Variants in AP2B1 observed in about 807,000 individuals in gnomAD.
AP2B1 encodes the protein adaptor related protein complex 2 subunit beta 1, also known as AP-2 complex subunit beta.
Under a neutral mutation model 102.0 loss-of-function variants are expected in AP2B1, and 23 were observed. That is an observed-to-expected ratio of 0.23 (90% CI 0.16 to 0.32). The LOEUF is 0.32. AP2B1 is among the 10% of genes least tolerant of loss of function. The pLI, the probability that AP2B1 is intolerant of heterozygous loss-of-function variation, is 1.00. For missense variants in AP2B1, 541 were observed against 1,157.4 expected (o/e 0.47, Z 7.73); for synonymous variants, 381 against 421.2 (o/e 0.90, Z 1.17).
At chr17:35,599,965 A>G (rs78181892) in intron 3 of AP2B1, among the ~76,000 whole-genome samples, 4,096 of 152,336 alleles carry the variant, frequency 0.027, 78 homozygotes, top group Middle Eastern at 0.054. Context: ...TTTTAATACA[A>G]TCAAGTACAA....
intron 9 of AP2B1, among the ~76,000 whole-genome samples, chr17:35,634,116 C>T (rs1315305454): frequency 6.6e-6 from 1 of 152,240 alleles, no homozygotes; most frequent in African/African-American, 2.4e-5. Flanking sequence ...CACTGCATTC[C>T]AGCCTGGGCA....
intron 14 of AP2B1, among the ~76,000 whole-genome samples, chr17:35,669,417 C>T (rs943126816): frequency 6.6e-6 from 1 of 152,176 alleles, no homozygotes; most frequent in African/African-American, 2.4e-5. Flanking sequence ...GCTGGGATTA[C>T]AGGCATGAGC....
At chr17:35,624,228 G>T (rs961729076) in intron 5 of AP2B1, among the ~76,000 whole-genome samples, 169 bp from the exon 6 acceptor site, 2 of 152,122 alleles carry the variant, frequency 1.3e-5, no homozygotes, top group Non-Finnish European at 1.5e-5. Flanking sequence ...ATCATTGGTG[G>T]TTTAATATAT....
At chr17:35,680,700 G>GTTTTTTTTT (rs1176447688) in intron 17 of AP2B1, among the ~76,000 whole-genome samples, 1 of 128,922 alleles carries the variant, frequency 7.8e-6, no homozygotes, top group Non-Finnish European at 1.6e-5. Context: ...TTTTTTTTTT[G>GTTTTTTTTT]TTTTTTTTTT....
intron 1 of AP2B1, among the ~76,000 whole-genome samples, chr17:35,589,783 A>G (rs762551667): frequency 2.0e-5 from 3 of 152,100 alleles, no homozygotes; most frequent in Non-Finnish European, 2.9e-5. Context: ...TTCAAATTCC[A>G]TCATGGCTTT....
intron 12 of AP2B1, among the ~76,000 whole-genome samples, chr17:35,642,298 T>C (rs1407057786): frequency 1.1e-5 from 1 of 92,256 alleles, no homozygotes; most frequent in Non-Finnish European, 2.5e-5. Flanking sequence ...CATTTCAGCT[T>C]TCAAATGAAA....
chr17:35,626,090 G>A (rs225253), intron 6 of AP2B1, among the ~76,000 whole-genome samples: 2,763 of 152,190 alleles, frequency 0.018, 23 homozygotes, highest in Non-Finnish European at 0.03. Flanking sequence ...ACCCTTTTCA[G>A]AGAGTCCCTT....
chr17:35,622,257 G>C (rs1567832239), intron 5 of AP2B1, among the ~76,000 whole-genome samples: 1 of 152,172 alleles, frequency 6.6e-6, no homozygotes, highest in African/African-American at 2.4e-5. Context: ...TACCAAGTGA[G>C]TCTCTGATTT....
chr17:35,680,435 CCTCAACCTCCTGGGCT>C (rs919757829), intron 17 of AP2B1, among the ~76,000 whole-genome samples: 8 of 152,196 alleles, frequency 5.3e-5, no homozygotes, highest in South Asian at 2.1e-4. Flanking sequence ...CTCACTGCAG[CCTCAACCTCCTGGGCT>C]CTCAACCTCC....
intron 5 of AP2B1, among the ~76,000 whole-genome samples, chr17:35,622,959 C>G (rs753745135): frequency 1.3e-5 from 2 of 152,166 alleles, no homozygotes; most frequent in Non-Finnish European, 2.9e-5. Flanking sequence ...GCCACCACGC[C>G]CAGCCAACTT....
At chr17:35,661,875 T>A (rs914130117) in intron 14 of AP2B1, among the ~76,000 whole-genome samples, 2 of 152,264 alleles carry the variant, frequency 1.3e-5, no homozygotes, top group Admixed American at 1.3e-4. Flanking sequence ...TGTGACCTTT[T>A]CTTATTAGGT....
intron 5 of AP2B1, among the ~76,000 whole-genome samples, chr17:35,617,079 A>G (rs758534984): frequency 7.2e-5 from 11 of 152,278 alleles, no homozygotes; most frequent in Middle Eastern, 3.4e-3. Context: ...CTTAAGAGAC[A>G]AAGTCTTGCT....
intron 12 of AP2B1, among the ~76,000 whole-genome samples, chr17:35,644,846 A>C (rs1398642961): frequency 6.6e-6 from 1 of 152,152 alleles, no homozygotes; most frequent in Non-Finnish European, 1.5e-5. Context: ...AGCCTGTGCA[A>C]CATGGCAAAA....
At chr17:35,694,435 A>ATTTTTTTTT (rs2076101194) in intron 18 of AP2B1, among the ~76,000 whole-genome samples, 12 of 80,012 alleles carry the variant, frequency 1.5e-4, no homozygotes, top group Non-Finnish European at 1.9e-4. Context: ...TAATTTTTTA[A>ATTTTTTTTT]TTTTTTGTAG....
chr17:35,679,158 G>A (rs898251765), intron 17 of AP2B1, among the ~76,000 whole-genome samples: 1 of 152,176 alleles, frequency 6.6e-6, no homozygotes, highest in Non-Finnish European at 1.5e-5. Context: ...AGGAAGCTAG[G>A]CGGGTAGTTT....
chr17:35,680,961 C>G (rs950288073), intron 17 of AP2B1, among the ~76,000 whole-genome samples: 10 of 152,258 alleles, frequency 6.6e-5, no homozygotes, highest in Non-Finnish European at 2.9e-5. Context: ...TCCCAAAGTG[C>G]TGAGACTACA....
At chr17:35,627,948 C>T (rs1025322180) in intron 9 of AP2B1, among the ~76,000 whole-genome samples, 2 of 152,162 alleles carry the variant, frequency 1.3e-5, no homozygotes, top group African/African-American at 4.8e-5. Context: ...TTTAGTTATT[C>T]TTTTGATTAA....
chr17:35,608,261 G>C lies in AP2B1; in HGVS notation c.399G>C (p.Glu133Asp). 6.2e-7 allele frequency: 1 copy of C among 1,614,168 alleles called. No individual in the cohort carries two copies. Among genetic ancestry groups the C allele is most frequent in the Non-Finnish European group, 8.5e-7 (1 of 1,180,034 alleles). ...CEPLRKCLKD[E>D]DPYVRKTAAV... ...CGCTCCGCAAGTGCTTGAAGGATGAGGATCCCTATGTTCGGAAAACAGCAG... is the reference window on the plus strand; with the variant it reads ...CGCTCCGCAAGTGCTTGAAGGATGACGATCCCTATGTTCGGAAAACAGCAG... The change falls in exon 5 of 22, where the codon GAG (glutamate) becomes GAC (aspartate). Residue 133 changes from glutamate (E) to aspartate (D), a missense_variant. This residue lies in a region of AP2B1 where 28 missense variants were observed against 98.3 expected (regional missense o/e 0.28). Transcript: ENST00000610402.
intron 18 of AP2B1, among the ~76,000 whole-genome samples, chr17:35,687,083 C>G (rs1451562504): frequency 6.6e-6 from 1 of 152,102 alleles, no homozygotes; most frequent in Non-Finnish European, 1.5e-5. Flanking sequence ...TGATAATTAC[C>G]TAAATAACAT....
Sources: allele counts gnomAD v4.1 joint callset (sites outside exome capture counted in the v4.1 genomes callset), GRCh38; gene constraint gnomAD v4.1.1; regional missense constraint gnomAD v4.1.1; transcripts MANE v1.5; gene names NCBI Gene and HGNC (gene_info 2026-07-23, HGNC 2026-07-21).